Variants in ABCA10 observed in about 807,000 individuals in gnomAD.
ABCA10 encodes the protein ATP-binding cassette sub-family A member 10.
A neutral mutation model predicts 187.5 loss-of-function variants in ABCA10; 169 were observed. That is an observed-to-expected ratio of 0.90 (90% CI 0.80 to 1.02). The LOEUF is 1.02. ABCA10 is among the 50% of genes least tolerant of loss of function. The pLI, the probability that ABCA10 is intolerant of heterozygous loss-of-function variation, is 0.00. For synonymous variants in ABCA10, 574 were observed against 601.8 expected (o/e 0.95, Z 0.68); for missense variants, 1,727 against 1,812.4 (o/e 0.95, Z 0.86).
intron 30 of ABCA10, 48 bp from the exon 31 acceptor site, chr17:69,154,374 A>T: frequency 7.2e-7 from 1 of 1,394,796 alleles, no homozygotes; most frequent in Non-Finnish European, 9.9e-7. Flanking sequence ...AGGTTGACTA[A>T]TCTAAAATTG....
At chr17:69,211,349 A>ATGTG (rs1440354960) in intron 9 of ABCA10, among the ~76,000 whole-genome samples, 2 of 20,006 alleles carry the variant, frequency 1.0e-4, no homozygotes, top group African/African-American at 1.6e-4. Context: ...ATATATATAT[A>ATGTG]TATATATATA....
intron 36 of ABCA10, 168 bp from the exon 37 acceptor site, chr17:69,150,231 TAAC>T (rs2074118181): frequency 6.0e-6 from 3 of 501,358 alleles, no homozygotes; most frequent in African/African-American, 2.0e-5. Context: ...AAAAAAGTTA[TAAC>T]AACAAAAATC....
intron 25 of ABCA10, among the ~76,000 whole-genome samples, chr17:69,165,495 T>C (rs187365061): frequency 6.6e-6 from 1 of 152,278 alleles, no homozygotes; most frequent in African/African-American, 2.4e-5. Context: ...ATCTAAGCAG[T>C]CAGAGAAATG....
chr17:69,153,570 A>T (rs1286253706), intron 32 of ABCA10, 24 bp from the exon 33 acceptor site: 2 of 1,613,352 alleles, frequency 1.2e-6, no homozygotes, highest in Non-Finnish European at 1.7e-6. Flanking sequence ...GTGTGATTAT[A>T]CATGAAGTAT....
intron 20 of ABCA10, among the ~76,000 whole-genome samples, chr17:69,184,247 G>C (rs943191943): frequency 6.6e-6 from 1 of 152,092 alleles, no homozygotes; most frequent in Non-Finnish European, 1.5e-5. Flanking sequence ...TCACCTGCTG[G>C]TCTTTCTCCA....
In ABCA10 at chr17:69,177,968, A is replaced by ATTTTT. The variant is rs1343214863; in HGVS notation, c.2770-2456_2770-2455insAAAAA. 8.8e-4 allele frequency among the ~76,000 whole-genome samples: 39 copies of ATTTTT among 44,482 alleles called. 2 individuals are homozygous for ATTTTT. The highest frequency in any genetic ancestry group is 0.02 in the Middle Eastern group (1 of 50). 29.2% of individuals were successfully genotyped at this position (44,482 alleles called of 152,430 possible). A position where few individuals can be genotyped will look rare whatever the true frequency, so the allele number is the denominator to read the frequency against. Reference sequence around the variant, plus strand: ...GAGACTCCATTTCAAAAAAAAAAAAAAAAAAATATATATATATATATATGT... The same window carrying ATTTTT: ...GAGACTCCATTTCAAAAAAAAAAAAATTTTTAAAAAATATATATATATATATATGT... On this transcript the variant is annotated intron_variant, in intron 22 of 38. Transcript: ENST00000690296.
At chr17:69,156,984 A>C (rs2074179402) in intron 27 of ABCA10, 61 bp from the exon 28 acceptor site, 1 of 980,350 alleles carries the variant, frequency 1.0e-6, no homozygotes, top group Non-Finnish European at 1.4e-6. Flanking sequence ...TCAATGGTGA[A>C]TATTTGTCCA....
intron 17 of ABCA10, among the ~76,000 whole-genome samples, chr17:69,190,714 T>C (rs1268091523): frequency 6.6e-6 from 1 of 151,966 alleles, no homozygotes; most frequent in Non-Finnish European, 1.5e-5. Context: ...ATTATTGCTG[T>C]GTGTGTTTGT....
At chr17:69,218,279 A>C (rs113708393) in intron 6 of ABCA10, among the ~76,000 whole-genome samples, 1 of 152,074 alleles carries the variant, frequency 6.6e-6, no homozygotes, top group Non-Finnish European at 1.5e-5. Flanking sequence ...CCCCCTTGTC[A>C]TTAAATTTAT....
chr17:69,155,257 T>G, intron 29 of ABCA10, 121 bp from the exon 30 acceptor site: 1 of 690,082 alleles, frequency 1.4e-6, no homozygotes, highest in Non-Finnish European at 2.4e-6. Flanking sequence ...CTGAAGAGCT[T>G]TAGCCTCTTT....
intron 5 of ABCA10, among the ~76,000 whole-genome samples, chr17:69,220,147 A>G (rs186582604): frequency 1.2e-4 from 18 of 152,308 alleles, no homozygotes; most frequent in Non-Finnish European, 2.2e-4. Flanking sequence ...ATGTTCAAAG[A>G]AAAGTGTAGG....
intron 9 of ABCA10, among the ~76,000 whole-genome samples, chr17:69,205,294 C>A (rs992017850): frequency 6.6e-6 from 1 of 152,128 alleles, no homozygotes; most frequent in Non-Finnish European, 1.5e-5. Flanking sequence ...TTGAGAGCCT[C>A]CTATACACAA....
At position 69,182,154 on chromosome 17, in the gene ABCA10, C is replaced by G; in HGVS notation, c.2768G>C (p.Arg923Pro). The G allele has an allele frequency of 6.4e-7, 1 of 1,572,568 alleles. No individual in the cohort carries two copies. The highest frequency in any genetic ancestry group is 8.6e-7 in the Non-Finnish European group (1 of 1,159,986). The stretch of plus-strand genomic sequence containing the variant: ...ATATAAGTCGAATACTCTACTTACA[C>G]GAGAAAATGAAGTGCTCTCCATTTG... ...LIQMESTSFS[R>P]DDIVLDLGFI... The change falls in exon 22 of 39, where the codon CGT becomes CCT. Residue 923 changes from arginine to proline, a missense_variant and splice_region_variant. Physicochemically the swap from Arg to Pro is moderately radical, Grantham distance 103 (BLOSUM62 -2). Coordinates refer to ENST00000690296, the MANE Select transcript of ABCA10 (RefSeq NM_001377321.1).
At chr17:69,205,686 T>C (rs574708225) in intron 9 of ABCA10, among the ~76,000 whole-genome samples, 3 of 152,294 alleles carry the variant, frequency 2.0e-5, no homozygotes, top group Admixed American at 6.5e-5. Context: ...TAAAAGCTGA[T>C]TATTAAAATT....
Position 69,153,714 on chromosome 17 carries a change from C to A in ABCA10, c.3965+117G>T, listed in dbSNP as rs550576669. 22 of 1,453,004 alleles carry A rather than the reference C, an allele frequency of 1.5e-5. No homozygotes were observed. The East Asian group carries it at 4.8e-4, about 32-fold the overall frequency. 90.0% of individuals were successfully genotyped at this position (1,453,004 alleles called of 1,614,324 possible). A position where few individuals can be genotyped will look rare whatever the true frequency, so the allele number is the denominator to read the frequency against. On this transcript the variant is annotated intron_variant, in intron 32 of 38. Coordinates refer to ENST00000690296, the MANE Select transcript of ABCA10 (RefSeq NM_001377321.1). Reference sequence around the variant, plus strand: ...TTGGTTCTTATTCAGGTATTTGAATCATTTTATTTGCATGAAAATTTAAAG... The same window carrying A: ...TTGGTTCTTATTCAGGTATTTGAATAATTTTATTTGCATGAAAATTTAAAG...
At chr17:69,165,988 C>T (rs974325511) in intron 25 of ABCA10, among the ~76,000 whole-genome samples, 1 of 151,948 alleles carries the variant, frequency 6.6e-6, no homozygotes, top group Non-Finnish European at 1.5e-5. Context: ...ATACATGTTG[C>T]CATTAGCAAT....
chr17:69,175,668 G>T, intron 22 of ABCA10, 155 bp from the exon 23 acceptor site: 1 of 554,082 alleles, frequency 1.8e-6, no homozygotes, highest in Non-Finnish European at 3.1e-6. Context: ...TAACCTTAGT[G>T]GCAGGTTCCA....
chr17:69,210,330 C>G lies in ABCA10; in HGVS notation c.1006+4374G>C, dbSNP rs1182178506. Among the ~76,000 whole-genome samples, 5 of 149,526 alleles carry G rather than the reference C, an allele frequency of 3.3e-5. No homozygotes were observed. In the South Asian group the frequency reaches 1.1e-3, roughly 31 times the overall value. On this transcript the variant is annotated intron_variant, in intron 9 of 38. Coordinates refer to ENST00000690296, the MANE Select transcript of ABCA10 (RefSeq NM_001377321.1). The stretch of plus-strand genomic sequence containing the variant: ...TCAGCCTCCCGAGTAGCTGGGACTA[C>G]AGGCGCCCGCCACCGCGCCCGGCTA...
In ABCA10 at chr17:69,192,591, G is replaced by C; in HGVS notation, c.1843C>G (p.Arg615Gly). 1 of 1,613,142 alleles carries C rather than the reference G, an allele frequency of 6.2e-7. No homozygotes were observed. Among genetic ancestry groups the C allele is most frequent in the Non-Finnish European group, 8.5e-7 (1 of 1,179,624 alleles). Reference protein sequence around the residue: ...KCAGSSLFLKRKWGIGYHLSL... With the variant: ...KCAGSSLFLKGKWGIGYHLSL... ...AAATGATATCCAATACCCCACTTTC[G>C]CTTCAGAAACAAAGATGATCCTGCA... is the stretch of plus-strand genomic sequence containing the variant. Residue 615 changes from arginine to glycine, a missense_variant, in exon 16 of 39, where the codon CGA (arginine) becomes GGA (glycine). Transcript: ENST00000690296.
Sources: allele counts gnomAD v4.1 joint callset (sites outside exome capture counted in the v4.1 genomes callset), GRCh38; gene constraint gnomAD v4.1.1; transcripts MANE v1.5; gene names NCBI Gene and HGNC (gene_info 2026-07-23, HGNC 2026-07-21).